TGFBR3: variants seen among roughly 807,000 people sequenced by gnomAD.
TGFBR3 encodes the protein transforming growth factor beta receptor 3, also known as transforming growth factor beta receptor type 3.
A neutral mutation model predicts 87.9 loss-of-function variants in TGFBR3; 46 were observed. The ratio of observed to expected loss-of-function variants is 0.52; its 90% CI spans 0.41 to 0.67. TGFBR3 has a LOEUF of 0.67. Ranked by LOEUF, TGFBR3 falls within the 30% of genes least tolerant of loss-of-function variation. The probability of loss-of-function intolerance (pLI) is 0.00; values close to 1 mark genes in which losing one functional copy is unlikely to be tolerated. For synonymous variants in TGFBR3, 381 were observed against 391.6 expected (o/e 0.97, Z 0.32); for missense variants, 866 against 1,041.9 (o/e 0.83, Z 2.32).
At position 91,682,087 on chromosome 1, in the gene TGFBR3, G is replaced by T. The variant is rs976700065; in HGVS notation, c.*1652C>A. On this transcript the variant is annotated 3_prime_UTR_variant, in exon 17 of 17. Coordinates refer to ENST00000212355, the MANE Select transcript of TGFBR3 (RefSeq NM_003243.5). Reference sequence around the variant, plus strand: ...CTTATTGAATGTGTATATCTATCAGGTAAGTCATATTATTACTCAACGATT... The same window carrying T: ...CTTATTGAATGTGTATATCTATCAGTTAAGTCATATTATTACTCAACGATT... 4 of 453,678 alleles carry T rather than the reference G, an allele frequency of 8.8e-6. No individual in the cohort carries two copies. Among genetic ancestry groups the T allele is most frequent in the African/African-American group, 8.0e-5 (4 of 49,918 alleles). 28.1% of individuals were successfully genotyped at this position (453,678 alleles called of 1,614,324 possible). A position where few individuals can be genotyped will look rare whatever the true frequency, so the allele number is the denominator to read the frequency against.
intron 8 of TGFBR3, among the ~76,000 whole-genome samples, 190 bp from the exon 9 acceptor site, chr1:91,720,420 A>C (rs879672419): frequency 1.3e-5 from 2 of 152,336 alleles, no homozygotes; most frequent in Admixed American, 6.5e-5. Flanking sequence ...TAACTAGCTC[A>C]GTGGCTTTAG....
chr1:91,743,841 G>A lies in TGFBR3; in HGVS notation c.385-8882C>T, dbSNP rs78737863. Among the ~76,000 whole-genome samples the A allele has an allele frequency of 6.4e-3, 976 of 152,294 alleles. 11 individuals are homozygous for A. Among genetic ancestry groups the A allele is most frequent in the Non-Finnish European group, 0.011 (743 of 68,030 alleles). On this transcript the variant is annotated intron_variant, in intron 4 of 16. Transcript: ENST00000212355. ...ACCACGTGTCTGCCAGGGGGTTAGC[G>A]AAGGCATCATTGCTCTACAGCTGTT...
In TGFBR3 at chr1:91,712,497, T is replaced by C. The variant is rs752549942; in HGVS notation, c.1912A>G (p.Thr638Ala). 1.2e-6 allele frequency: 2 copies of C among 1,614,174 alleles called. No homozygotes were observed. The highest frequency in any genetic ancestry group is 4.5e-5 in the East Asian group (2 of 44,876). ...AEQELGFAIQ[T>A]CFISPYSNPD... ...TTCGAATATGGAGAGATAAAGCACGTTTGGATGGCAAATCCCAGTTCTTGT... is the reference window on the plus strand; with the variant it reads ...TTCGAATATGGAGAGATAAAGCACGCTTGGATGGCAAATCCCAGTTCTTGT... Residue 638 changes from threonine (T) to alanine (A), a missense_variant, in exon 13 of 17, where the codon ACG (threonine) becomes GCG (alanine). Transcript: ENST00000212355.
chr1:91,712,343 C>G lies in TGFBR3; in HGVS notation c.2066G>C (p.Ser689Thr). 1.9e-6 allele frequency: 3 copies of G among 1,614,206 alleles called. No homozygotes were observed. Among genetic ancestry groups the G allele is most frequent in the Non-Finnish European group, 2.5e-6 (3 of 1,180,014 alleles). Reference protein sequence around the residue: ...PQADMDKKRFSFVFKPVFNTS... With the variant: ...PQADMDKKRFTFVFKPVFNTS... ...GTTGAAGACAGGCTTGAAGACAAAG[C>G]TGAATCGCTTCTTATCCATGTCAGC... The change falls in exon 13 of 17, where the codon AGC (serine) becomes ACC (threonine). Residue 689 changes from serine (S) to threonine (T), a missense_variant. Ser to Thr is a moderately conservative substitution (Grantham distance 58). Transcript: ENST00000212355.
intron 2 of TGFBR3, among the ~76,000 whole-genome samples, chr1:91,843,948 T>C (rs976714139): frequency 6.6e-6 from 1 of 152,336 alleles, no homozygotes; most frequent in South Asian, 2.1e-4. Flanking sequence ...CAAAATCCTT[T>C]TGTTACAAGT....
intron 2 of TGFBR3, among the ~76,000 whole-genome samples, chr1:91,833,350 A>C (rs1226707595): frequency 7.0e-6 from 1 of 143,758 alleles, no homozygotes; most frequent in Non-Finnish European, 1.5e-5. Flanking sequence ...AATACCAGCT[A>C]CTAGGGAGAC....
chr1:91,726,437 A>T lies in TGFBR3; in HGVS notation c.885+1222T>A, dbSNP rs17886361. Among the ~76,000 whole-genome samples the T allele has an allele frequency of 2.1e-3, 314 of 152,040 alleles. 5 individuals carry two copies. The East Asian group carries it at 0.054, about 26-fold the overall frequency. On this transcript the variant is annotated intron_variant, in intron 7 of 16. Transcript: ENST00000212355. ...AGAGAAGGCAATCAAAACATCTCTGACTTCAGATCATGGCTAGGCTTTGGG... is the reference window on the plus strand; with the variant it reads ...AGAGAAGGCAATCAAAACATCTCTGTCTTCAGATCATGGCTAGGCTTTGGG...
In TGFBR3 at chr1:91,681,426, T is replaced by G. The variant is rs1321203076; in HGVS notation, c.*2313A>C. The G allele has an allele frequency of 1.6e-5, 6 of 367,570 alleles. No individual in the cohort carries two copies. The East Asian group carries it at 4.8e-4, about 29-fold the overall frequency. 22.8% of individuals were successfully genotyped at this position (367,570 alleles called of 1,614,324 possible). Reference sequence around the variant, plus strand: ...TCTCTCTTTTAAAAAGATCTTTTGGTTTGCATCTATAAATTTGTAAATTAA... The same window carrying G: ...TCTCTCTTTTAAAAAGATCTTTTGGGTTGCATCTATAAATTTGTAAATTAA... On this transcript the variant is annotated 3_prime_UTR_variant, in exon 17 of 17. Transcript: ENST00000212355.
At chr1:91,881,446 C>T (rs953570050) in intron 1 of TGFBR3, among the ~76,000 whole-genome samples, 1 of 152,134 alleles carries the variant, frequency 6.6e-6, no homozygotes, top group African/African-American at 2.4e-5. Flanking sequence ...CCCTAAGCAA[C>T]CTGAAGGCAT....
At chr1:91,891,452 C>T (rs545865271) in intron 2 of TGFBR3, among the ~76,000 whole-genome samples, 5 of 150,898 alleles carry the variant, frequency 3.3e-5, no homozygotes, top group South Asian at 2.1e-4. Flanking sequence ...GAGCCGTGAT[C>T]GTGCCACTGT....
At chr1:91,754,182 T>C (rs1673656130) in intron 4 of TGFBR3, among the ~76,000 whole-genome samples, 1 of 151,862 alleles carries the variant, frequency 6.6e-6, no homozygotes, top group East Asian at 1.9e-4. Flanking sequence ...AATTGTAGTA[T>C]GTCCTTAAAG....
In TGFBR3 at chr1:91,708,758, G is replaced by A. The variant is rs1571427492; in HGVS notation, c.2192C>T (p.Thr731Ile). 1.5e-5 allele frequency: 25 copies of A among 1,614,048 alleles called. No individual in the cohort carries two copies. Among genetic ancestry groups the A allele is most frequent in the Non-Finnish European group, 1.9e-5 (23 of 1,179,980 alleles). Residue 731 changes from threonine to isoleucine, a missense_variant, in exon 14 of 17, where the codon ACC becomes ATC. Thr to Ile is a moderately conservative substitution (Grantham distance 89). Coordinates refer to ENST00000212355, the MANE Select transcript of TGFBR3 (RefSeq NM_003243.5). The stretch of plus-strand genomic sequence containing the variant: ...CCAGATTATCGAGGCGTCCAGCGAG[G>A]TGCAGGCTTCGTCAGGAGGCACACA... ...PKCVPPDEAC[T>I]SLDASIIWAM... is the part of the protein sequence containing the mutation.
At chr1:91,820,596 G>A (rs977722780) in intron 2 of TGFBR3, among the ~76,000 whole-genome samples, 1 of 152,174 alleles carries the variant, frequency 6.6e-6, no homozygotes, top group Non-Finnish European at 1.5e-5. Flanking sequence ...TGAGGCAGGA[G>A]AATGGCGTGA....
chr1:91,714,285 T>C (rs533087484), intron 12 of TGFBR3, among the ~76,000 whole-genome samples: 2 of 152,150 alleles, frequency 1.3e-5, no homozygotes, highest in Non-Finnish European at 2.9e-5. Flanking sequence ...AGAGTGTCAA[T>C]AAATGCTACC....
chr1:91,751,147 C>T, intron 4 of TGFBR3, among the ~76,000 whole-genome samples: 1 of 152,002 alleles, frequency 6.6e-6, no homozygotes, highest in Admixed American at 6.5e-5. Flanking sequence ...TATGCTAATT[C>T]TGTGTTTTTT....
intron 2 of TGFBR3, among the ~76,000 whole-genome samples, chr1:91,825,945 CA>C (rs1676616990): frequency 6.7e-6 from 1 of 148,210 alleles, no homozygotes; most frequent in Non-Finnish European, 1.5e-5. Context: ...AGTGCCATTG[CA>C]CTCTAGCCTG....
chr1:91,839,210 T>C (rs756422823), intron 2 of TGFBR3, among the ~76,000 whole-genome samples: 15 of 152,160 alleles, frequency 9.9e-5, no homozygotes, highest in Non-Finnish European at 1.9e-4. Context: ...ACTCCTGGGC[T>C]CAAACAATCT....
chr1:91,852,259 A>T (rs906931124), intron 2 of TGFBR3, among the ~76,000 whole-genome samples: 3 of 152,016 alleles, frequency 2.0e-5, no homozygotes, highest in Admixed American at 1.3e-4. Flanking sequence ...GAAAAAAAAA[A>T]AGTAAAAGGC....
At chr1:91,901,812 C>T (rs941436727) in intron 1 of TGFBR3, among the ~76,000 whole-genome samples, 15 of 151,648 alleles carry the variant, frequency 9.9e-5, no homozygotes, top group African/African-American at 3.1e-4. Context: ...ACTCCAGAGG[C>T]TGAGGTGGGA....
Sources: allele counts gnomAD v4.1 joint callset (sites outside exome capture counted in the v4.1 genomes callset), GRCh38; gene constraint gnomAD v4.1.1; transcripts MANE v1.5; gene names NCBI Gene and HGNC (gene_info 2026-07-23, HGNC 2026-07-21).